USH1C: variants seen among roughly 807,000 people sequenced by gnomAD.
USH1C encodes the protein harmonin.
In USH1C, 90 loss-of-function variants were observed where a neutral mutation model predicts 119.3. The observed-to-expected ratio is 0.75, with a 90% CI of 0.64 to 0.90. The LOEUF (loss-of-function observed/expected upper bound fraction) is 0.90, where lower values mean the gene tolerates loss of function less well. Ranked by LOEUF, USH1C falls within the 40% of genes least tolerant of loss-of-function variation. The pLI is 0.00. For synonymous variants in USH1C, 465 were observed against 443.3 expected (o/e 1.05, Z -0.62); for missense variants, 1,165 against 1,167.7 (o/e 1.00, Z 0.03).
At chr11:17,499,161 C>A (rs773531929) in intron 23 of USH1C, among the ~76,000 whole-genome samples, 5 of 152,214 alleles carry the variant, frequency 3.3e-5, no homozygotes, top group Non-Finnish European at 5.9e-5. Context: ...TCTTTGACAT[C>A]AGAGCCCTTT....
chr11:17,501,053 T>C lies in USH1C; in HGVS notation c.2378A>G (p.His793Arg), dbSNP rs868121889. 4 of 1,613,222 alleles carry C rather than the reference T, an allele frequency of 2.5e-6. No homozygotes were observed. Among genetic ancestry groups the C allele is most frequent in the East Asian group, 2.2e-5 (1 of 44,842 alleles). ...AVYERGAAER[H>R]GGIVKGDEIM... Reference sequence around the variant, plus strand: ...GGGTGTGGCTAGTCTCCACTCACCATGCCGCTCAGCAGCTCCCCGCTCATA... The same window carrying C: ...GGGTGTGGCTAGTCTCCACTCACCACGCCGCTCAGCAGCTCCCCGCTCATA... The change falls in exon 23 of 27, where the codon CAT becomes CGT. Residue 793 changes from histidine to arginine, a missense_variant and splice_region_variant. His to Arg is a conservative substitution (Grantham distance 29). Transcript: ENST00000005226.
At chr11:17,530,765 A>G (rs995321297) in intron 4 of USH1C, among the ~76,000 whole-genome samples, 2 of 152,230 alleles carry the variant, frequency 1.3e-5, no homozygotes, top group Non-Finnish European at 2.9e-5. Flanking sequence ...TTCAGAGTCT[A>G]TGCTCTTCGG....
At chr11:17,508,463 G>T (rs1849733511) in intron 18 of USH1C, among the ~76,000 whole-genome samples, 1 of 152,184 alleles carries the variant, frequency 6.6e-6, no homozygotes, top group Non-Finnish European at 1.5e-5. Flanking sequence ...TATTGACTAT[G>T]CCCTCCCTCA....
intron 16 of USH1C, 32 bp from the exon 17 acceptor site, chr11:17,510,553 G>T: frequency 6.7e-7 from 1 of 1,500,806 alleles, no homozygotes; most frequent in Non-Finnish European, 9.3e-7. Context: ...GAAAGGAGAG[G>T]ACAAAGGGCA....
chr11:17,510,347 A>G, intron 17 of USH1C, 58 bp downstream of exon 17: 2 of 1,437,834 alleles, frequency 1.4e-6, no homozygotes, highest in Middle Eastern at 2.4e-4. Flanking sequence ...CGCTGTCCCC[A>G]CAGTGGGTCA....
At chr11:17,523,848 C>A (rs1466888748) in intron 9 of USH1C, among the ~76,000 whole-genome samples, 3 of 152,236 alleles carry the variant, frequency 2.0e-5, no homozygotes, top group African/African-American at 4.8e-5. Flanking sequence ...AGCTAACATT[C>A]ACTGATCACT....
At chr11:17,521,513 A>T in intron 12 of USH1C, 102 bp from the exon 13 acceptor site, 1 of 1,258,674 alleles carries the variant, frequency 7.9e-7, no homozygotes, top group South Asian at 1.2e-5. Flanking sequence ...ATTTTTCTCC[A>T]GGCTCCCTTC....
intron 1 of USH1C, among the ~76,000 whole-genome samples, chr11:17,537,541 C>G (rs1192430700): frequency 6.6e-6 from 1 of 152,230 alleles, no homozygotes; most frequent in Non-Finnish European, 1.5e-5. Context: ...CACCACCTTT[C>G]CACTGGTCCT....
chr11:17,525,929 G>A (rs926510568), intron 8 of USH1C, among the ~76,000 whole-genome samples: 14 of 152,216 alleles, frequency 9.2e-5, no homozygotes, highest in Admixed American at 7.2e-4. Context: ...GGCTGGGTGC[G>A]GTGCTTCATG....
At chr11:17,512,176 C>G (rs546349526) in intron 15 of USH1C, 122 bp from the exon 16 acceptor site, 1 of 1,116,096 alleles carries the variant, frequency 9.0e-7, no homozygotes, top group African/African-American at 1.5e-5. Flanking sequence ...CCCCAGCTCT[C>G]TCACCACTCT....
rs184722933 is a variant in USH1C at position 17,494,262 on chromosome 11, G to A, written c.*70C>T. ...GTCCCAAGGATGCCATCTGGTGTGT[G>A]TAGTGTGGCCTCTCTCAAGGCTGAT... On this transcript the variant is annotated 3_prime_UTR_variant, in exon 27 of 27. Transcript: ENST00000005226. 6.9e-5 allele frequency: 105 copies of A among 1,532,176 alleles called. No homozygotes were observed. In the East Asian group the frequency reaches 1.5e-3, roughly 22 times the overall value. The allele number at this position is 1,532,176 out of a possible 1,614,324, so 94.9% of individuals were successfully genotyped here.
At chr11:17,510,602 C>G (rs1849847159) in intron 16 of USH1C, 81 bp from the exon 17 acceptor site, 1 of 1,080,536 alleles carries the variant, frequency 9.3e-7, no homozygotes, top group African/African-American at 1.5e-5. Context: ...CATGAAAGCA[C>G]TCCTTTAGAA....
chr11:17,497,521 G>GT (rs1849288555), intron 24 of USH1C, among the ~76,000 whole-genome samples: 1 of 152,168 alleles, frequency 6.6e-6, no homozygotes, highest in Non-Finnish European at 1.5e-5. Context: ...CATGTTACCC[G>GT]TGAGTCTTCT....
chr11:17,510,883 C>CT (rs912238292), intron 16 of USH1C, among the ~76,000 whole-genome samples: 43 of 152,166 alleles, frequency 2.8e-4, no homozygotes, highest in African/African-American at 9.2e-4. Flanking sequence ...TAACTTGACT[C>CT]TTTTTTTTCC....
At chr11:17,542,379 A>G (rs1057055790) in intron 1 of USH1C, among the ~76,000 whole-genome samples, 5 of 152,220 alleles carry the variant, frequency 3.3e-5, no homozygotes, top group African/African-American at 9.6e-5. Context: ...ATGATCCCCA[A>G]CCTGGGAGGG....
chr11:17,500,150 G>A (rs1849382282), intron 23 of USH1C, among the ~76,000 whole-genome samples: 1 of 152,222 alleles, frequency 6.6e-6, no homozygotes, highest in African/African-American at 2.4e-5. Flanking sequence ...ATCAGCAGAG[G>A]GTGTTTTTGT....
intron 1 of USH1C, 64 bp from the exon 2 acceptor site, chr11:17,533,386 G>T: frequency 1.7e-6 from 2 of 1,145,214 alleles, no homozygotes; most frequent in Admixed American, 1.8e-5. Flanking sequence ...GCAGACCTCA[G>T]GGAGGAGAGG....
At position 17,512,943 on chromosome 11, in the gene USH1C, T is replaced by C. The variant is rs528410456; in HGVS notation, c.1261-889A>G. Among the ~76,000 whole-genome samples the C allele has an allele frequency of 3.9e-5, 6 of 152,218 alleles. No homozygotes were observed. In the East Asian group the frequency reaches 9.6e-4, roughly 24 times the overall value. ...CCTGCATTCCTGGCTGCTTCTCTCA[T>C]GGGGTTGCAGGGAAGCCAGGGGCTA... On this transcript the variant is annotated intron_variant, in intron 15 of 26. Coordinates refer to ENST00000005226, the MANE Select transcript of USH1C (RefSeq NM_153676.4).
chr11:17,509,959 C>T lies in USH1C; in HGVS notation c.1531-121G>A, dbSNP rs1849817004. ...TGCTACTGGAGACCCACCACCCTTACATCAGAACCATGGGGCGCCATTCCT... is the reference window on the plus strand; with the variant it reads ...TGCTACTGGAGACCCACCACCCTTATATCAGAACCATGGGGCGCCATTCCT... On this transcript the variant is annotated intron_variant, in intron 17 of 26. Coordinates refer to ENST00000005226, the MANE Select transcript of USH1C (RefSeq NM_153676.4). 17 of 1,229,036 alleles carry T rather than the reference C, an allele frequency of 1.4e-5. No homozygotes were observed. The South Asian group carries it at 2.5e-4, about 18-fold the overall frequency. 76.1% of individuals were successfully genotyped at this position (1,229,036 alleles called of 1,614,324 possible). A position where few individuals can be genotyped will look rare whatever the true frequency, so the allele number is the denominator to read the frequency against.
Sources: gnomAD v4.1 joint callset for allele counts (sites outside exome capture counted in the v4.1 genomes callset) on GRCh38, gnomAD v4.1.1 for gene constraint, MANE v1.5 for transcripts, NCBI Gene and HGNC (gene_info 2026-07-23, HGNC 2026-07-21) for gene names.